The following ZFHX3 variants were observed in gnomAD, a reference collection of about 807,000 sequenced individuals.
The protein encoded by ZFHX3 is zinc finger homeobox protein 3.
Under a neutral mutation model 279.1 loss-of-function variants are expected in ZFHX3, and 42 were observed. The observed-to-expected ratio is 0.15, with a 90% CI of 0.12 to 0.19. The LOEUF (loss-of-function observed/expected upper bound fraction) is 0.19. Ranked by LOEUF, ZFHX3 falls within the 10% of genes least tolerant of loss-of-function variation. The probability of loss-of-function intolerance (pLI) is 1.00; values close to 1 mark genes in which losing one functional copy is unlikely to be tolerated. For missense variants in ZFHX3, 4,981 were observed against 4,754.0 expected, an observed-to-expected ratio of 1.05 and a Z score of -1.40; for synonymous variants, 2,293 against 1,957.8, an observed-to-expected ratio of 1.17 and a Z score of -4.52.
chr16:73,849,764 GCT>G (rs1167728889), intron 1 of ZFHX3, among the ~76,000 whole-genome samples: 1 of 152,116 alleles, frequency 6.6e-6, no homozygotes, highest in East Asian at 1.9e-4. Context: ...ACGGACTCTC[GCT>G]CTGTCGCCCA....
At chr16:73,470,175 C>G (rs1169331000) in intron 2 of ZFHX3, among the ~76,000 whole-genome samples, 1 of 152,216 alleles carries the variant, frequency 6.6e-6, no homozygotes, top group African/African-American at 2.4e-5. Flanking sequence ...TGGGAACACA[C>G]TCTGAGTAGC....
chr16:73,167,448 T>A (rs1017348137), intron 5 of ZFHX3, among the ~76,000 whole-genome samples: 1 of 152,240 alleles, frequency 6.6e-6, no homozygotes, highest in Non-Finnish European at 1.5e-5. Context: ...TTGAGTGAAA[T>A]TGCTTTGCTG....
intron 4 of ZFHX3, among the ~76,000 whole-genome samples, chr16:72,855,509 T>G (rs2037733584): frequency 6.6e-6 from 1 of 152,208 alleles, no homozygotes; most frequent in Non-Finnish European, 1.5e-5. Flanking sequence ...CAAATTCTAA[T>G]TCATTCTGCA....
chr16:73,636,533 T>C lies in ZFHX3; in HGVS notation c.-1547+43647A>G, dbSNP rs192787380. Among the ~76,000 whole-genome samples, 3 of 152,232 alleles carry C rather than the reference T, an allele frequency of 2.0e-5. No individual in the cohort carries two copies. In the East Asian group the frequency reaches 5.8e-4, roughly 29 times the overall value. ...CATCACAAAATGAACTGAAAAGCTA[T>C]GAAAATGAAACCTGTTCAACAAGGT... On this transcript the variant is annotated intron_variant, in intron 2 of 17. Coordinates refer to the ZFHX3 transcript ENST00000641206.
intron 4 of ZFHX3, among the ~76,000 whole-genome samples, chr16:72,877,302 A>G (rs368269468): frequency 3.3e-5 from 5 of 152,118 alleles, no homozygotes; most frequent in African/African-American, 1.2e-4. Context: ...TGACCTCTGG[A>G]CTCGCAGCGC....
At chr16:73,480,449 T>A (rs1020520588) in intron 2 of ZFHX3, among the ~76,000 whole-genome samples, 2 of 152,208 alleles carry the variant, frequency 1.3e-5, no homozygotes, top group Non-Finnish European at 2.9e-5. Flanking sequence ...CCCCTATTTT[T>A]AACTCCTCCT....
At chr16:73,594,098 TAA>T (rs944232106) in intron 2 of ZFHX3, among the ~76,000 whole-genome samples, 2 of 152,112 alleles carry the variant, frequency 1.3e-5, no homozygotes, top group African/African-American at 4.8e-5. Context: ...ACTATTTATA[TAA>T]GATATGATTG....
intron 3 of ZFHX3, among the ~76,000 whole-genome samples, chr16:73,346,087 C>A (rs1326839110): frequency 6.6e-6 from 1 of 152,250 alleles, no homozygotes; most frequent in African/African-American, 2.4e-5. Flanking sequence ...GGCTCAGCGA[C>A]CCTGCACCTT....
At chr16:73,584,966 C>A (rs994488452) in intron 2 of ZFHX3, among the ~76,000 whole-genome samples, 1 of 152,096 alleles carries the variant, frequency 6.6e-6, no homozygotes, top group Non-Finnish European at 1.5e-5. Flanking sequence ...ATGTGGCCAA[C>A]AAACATGAAA....
At chr16:73,503,495 T>A (rs915768001) in intron 2 of ZFHX3, among the ~76,000 whole-genome samples, 1 of 152,184 alleles carries the variant, frequency 6.6e-6, no homozygotes, top group Non-Finnish European at 1.5e-5. Context: ...TGGTACTCCA[T>A]GGCGGCACCT....
At chr16:72,896,605 C>T (rs1234393558) in intron 3 of ZFHX3, among the ~76,000 whole-genome samples, 6 of 152,118 alleles carry the variant, frequency 3.9e-5, no homozygotes, top group Admixed American at 3.3e-4. Flanking sequence ...GTCAAAGAGA[C>T]GAAAAGAGGG....
intron 1 of ZFHX3, among the ~76,000 whole-genome samples, chr16:73,760,018 T>TTAA (rs1555500050): frequency 6.8e-6 from 1 of 146,402 alleles, no homozygotes; most frequent in Non-Finnish European, 1.5e-5. Context: ...TGTTTTTTTT[T>TTAA]AAAAAAAAAT....
At position 72,888,143 on chromosome 16, in the gene ZFHX3, G is replaced by A. The variant is rs577418006; in HGVS notation, c.3448+1588C>T. Among the ~76,000 whole-genome samples the A allele has an allele frequency of 2.3e-4, 35 of 152,290 alleles. No individual in the cohort carries two copies. In the South Asian group the frequency reaches 6.6e-3, roughly 29 times the overall value. On this transcript the variant is annotated intron_variant, in intron 4 of 9. Coordinates refer to ENST00000268489, the MANE Select transcript of ZFHX3 (RefSeq NM_006885.4). ...GTTGAAAGCTGATCCCCTGGAAAAGGGGGTGGGAGAGGGCCATGCTCTTCT... is the reference window on the plus strand; with the variant it reads ...GTTGAAAGCTGATCCCCTGGAAAAGAGGGTGGGAGAGGGCCATGCTCTTCT...
intron 5 of ZFHX3, among the ~76,000 whole-genome samples, chr16:72,813,557 T>G (rs2036522037): frequency 6.6e-6 from 1 of 152,210 alleles, no homozygotes; most frequent in African/African-American, 2.4e-5. Context: ...CCCAGTATCT[T>G]GGTAACCTGG....
intron 2 of ZFHX3, among the ~76,000 whole-genome samples, chr16:73,581,076 C>G (rs575991680): frequency 5.9e-5 from 9 of 151,802 alleles, no homozygotes; most frequent in Non-Finnish European, 1.0e-4. Context: ...GTGGACAGAT[C>G]TAGGAAATGC....
At chr16:72,889,243 C>T (rs929179445) in intron 4 of ZFHX3, among the ~76,000 whole-genome samples, 11 of 152,092 alleles carry the variant, frequency 7.2e-5, no homozygotes, top group African/African-American at 2.7e-4. Flanking sequence ...TATTTTATTC[C>T]TCTCTAAAGT....
chr16:73,456,340 C>G (rs553719692), intron 2 of ZFHX3: 1 of 152,272 alleles, frequency 6.6e-6, no homozygotes, highest in East Asian at 1.9e-4. Context: ...ATACATTCCT[C>G]CCCACTTTCC....
At chr16:73,147,244 C>T (rs1278629703) in intron 5 of ZFHX3, among the ~76,000 whole-genome samples, 2 of 152,170 alleles carry the variant, frequency 1.3e-5, no homozygotes, top group East Asian at 1.9e-4. Flanking sequence ...ATCCACCCAA[C>T]ACAGGTACAA....
intron 3 of ZFHX3, among the ~76,000 whole-genome samples, chr16:73,379,877 C>T (rs148132754): frequency 7.9e-5 from 12 of 152,218 alleles, no homozygotes; most frequent in East Asian, 3.9e-4. Context: ...TACTTCTGAC[C>T]GAAGGCAGCA....
Sources: gnomAD v4.1 joint callset for allele counts (sites outside exome capture counted in the v4.1 genomes callset) on GRCh38, gnomAD v4.1.1 for gene constraint, MANE v1.5 for transcripts, NCBI Gene and HGNC (gene_info 2026-07-23, HGNC 2026-07-21) for gene names.